TAFA2: variants seen among roughly 807,000 people sequenced by gnomAD.
The protein encoded by TAFA2 is chemokine-like protein TAFA-2.
In TAFA2, 7 loss-of-function variants were observed where a neutral mutation model predicts 18.8. The observed-to-expected ratio is 0.37, with a 90% CI of 0.21 to 0.70. The LOEUF is 0.70. TAFA2 is among the 30% of genes least tolerant of loss of function. The pLI is 0.53. For missense variants in TAFA2, 122 were observed against 158.1 expected, an observed-to-expected ratio of 0.77 and a Z score of 1.23; for synonymous variants, 60 against 54.2, an observed-to-expected ratio of 1.11 and a Z score of -0.47.
intron 1 of TAFA2, among the ~76,000 whole-genome samples, chr12:62,139,699 G>C (rs1278841560): frequency 6.6e-6 from 1 of 151,938 alleles, no homozygotes; most frequent in Non-Finnish European, 1.5e-5. Flanking sequence ...GTGATAAAAA[G>C]AAAAAAAGAC....
At chr12:61,986,480 G>A (rs1182607138) in intron 1 of TAFA2, among the ~76,000 whole-genome samples, 3 of 151,428 alleles carry the variant, frequency 2.0e-5, no homozygotes, top group Non-Finnish European at 4.4e-5. Context: ...TATATTTTTA[G>A]TAGAAATGGG....
At chr12:61,754,819 T>C (rs1869185628) in intron 3 of TAFA2, 53 bp downstream of exon 3, 7 of 1,591,748 alleles carry the variant, frequency 4.4e-6, no homozygotes, top group Non-Finnish European at 6.0e-6. Context: ...GGGGTTCTAG[T>C]TCTAAGCCAT....
At chr12:61,940,952 T>A (rs1877979550) in intron 1 of TAFA2, among the ~76,000 whole-genome samples, 1 of 152,216 alleles carries the variant, frequency 6.6e-6, no homozygotes. Context: ...TATATGTGGC[T>A]ACTGAATACT....
Position 61,797,809 on chromosome 12 carries a change from C to T in TAFA2, c.107-42785G>A, listed in dbSNP as rs182569826. On this transcript the variant is annotated intron_variant, in intron 2 of 4. Coordinates refer to ENST00000416284, the MANE Select transcript of TAFA2 (RefSeq NM_178539.5). ...CAGTTAAAACTAGGCACAAGCTAGA[C>T]GCTGGTTCCTTAGATTTGCCATGCA... is the stretch of plus-strand genomic sequence containing the variant. Among the ~76,000 whole-genome samples the T allele has an allele frequency of 1.3e-3, 202 of 152,286 alleles. 1 individual carries two copies. Among genetic ancestry groups the T allele is most frequent in the African/African-American group, 4.4e-3 (183 of 41,550 alleles).
chr12:61,973,615 A>C (rs879559115), intron 1 of TAFA2, among the ~76,000 whole-genome samples: 1 of 151,556 alleles, frequency 6.6e-6, no homozygotes, highest in Non-Finnish European at 1.5e-5. Flanking sequence ...TGAGGCAAAG[A>C]CCTTGTTATT....
chr12:62,077,095 T>C (rs368751120), intron 1 of TAFA2, among the ~76,000 whole-genome samples: 23 of 152,314 alleles, frequency 1.5e-4, no homozygotes, highest in Admixed American at 3.9e-4. Context: ...CCATTAAGCA[T>C]AAAAGGAATT....
At chr12:61,802,738 A>T (rs1337172277) in intron 2 of TAFA2, among the ~76,000 whole-genome samples, 1 of 151,994 alleles carries the variant, frequency 6.6e-6, no homozygotes, top group East Asian at 1.9e-4. Context: ...AGAAGAGAGG[A>T]TTTTGAATGT....
chr12:62,059,990 T>C (rs1882302190), intron 1 of TAFA2, among the ~76,000 whole-genome samples: 1 of 152,238 alleles, frequency 6.6e-6, no homozygotes, highest in Non-Finnish European at 1.5e-5. Flanking sequence ...GTTATCATTG[T>C]TTCAGAACAA....
At chr12:62,073,219 G>A (rs547947644) in intron 1 of TAFA2, among the ~76,000 whole-genome samples, 3 of 152,264 alleles carry the variant, frequency 2.0e-5, no homozygotes, top group Admixed American at 2.0e-4. Flanking sequence ...TATCCTAAAT[G>A]TTCACCAGAA....
At chr12:61,836,405 G>T (rs934528619) in intron 2 of TAFA2, among the ~76,000 whole-genome samples, 1 of 151,782 alleles carries the variant, frequency 6.6e-6, no homozygotes, top group Admixed American at 6.6e-5. Context: ...TCCCAACTTG[G>T]AAATTTAGAG....
At chr12:61,947,228 A>T in intron 1 of TAFA2, among the ~76,000 whole-genome samples, 2 of 147,000 alleles carry the variant, frequency 1.4e-5, no homozygotes, top group African/African-American at 5.1e-5. Flanking sequence ...AACACCGCAT[A>T]TTCTCACTCA....
chr12:62,185,034 A>G (rs2062576684), intron 1 of TAFA2, among the ~76,000 whole-genome samples: 2 of 152,088 alleles, frequency 1.3e-5, no homozygotes, highest in Non-Finnish European at 2.9e-5. Context: ...CCACTCAACA[A>G]ATGATGGAAG....
chr12:62,093,673 C>T (rs1868819652), intron 1 of TAFA2, among the ~76,000 whole-genome samples: 1 of 152,146 alleles, frequency 6.6e-6, no homozygotes, highest in African/African-American at 2.4e-5. Flanking sequence ...GTCATATGCT[C>T]AGAACATTTT....
At chr12:61,835,301 A>C (rs1872875572) in intron 2 of TAFA2, among the ~76,000 whole-genome samples, 1 of 152,034 alleles carries the variant, frequency 6.6e-6, no homozygotes, top group Non-Finnish European at 1.5e-5. Context: ...AATTTTTACT[A>C]TACTTACAAA....
At chr12:62,253,683 C>G (rs1340281518) in intron 1 of TAFA2, 1 of 152,202 alleles carries the variant, frequency 6.6e-6, no homozygotes, top group African/African-American at 2.4e-5. Flanking sequence ...GTGTCTCCTA[C>G]TTTTAAGGAT....
intron 1 of TAFA2, among the ~76,000 whole-genome samples, chr12:62,055,006 T>G (rs942065396): frequency 4.6e-5 from 7 of 152,186 alleles, no homozygotes; most frequent in Non-Finnish European, 7.4e-5. Flanking sequence ...ATTCATGTGT[T>G]AAATTCTAAT....
intron 2 of TAFA2, among the ~76,000 whole-genome samples, chr12:61,818,490 T>TACACACACACACACAC (rs3034071): frequency 1.1e-4 from 15 of 140,800 alleles, no homozygotes; most frequent in African/African-American, 3.3e-4. Context: ...CTCAAAAAAA[T>TACACACACACACACAC]ACACACACAC....
chr12:61,821,000 A>T (rs1592411254), intron 2 of TAFA2, among the ~76,000 whole-genome samples: 1 of 151,908 alleles, frequency 6.6e-6, no homozygotes, highest in African/African-American at 2.4e-5. Flanking sequence ...TACCTTCCCT[A>T]ATTGTTGGTG....
chr12:62,059,973 G>C (rs1882301782), intron 1 of TAFA2, among the ~76,000 whole-genome samples: 2 of 151,974 alleles, frequency 1.3e-5, no homozygotes, highest in Non-Finnish European at 2.9e-5. Context: ...ATCTGTATTA[G>C]CTATCAGTTA....
Sources: gnomAD v4.1 joint callset for allele counts (sites outside exome capture counted in the v4.1 genomes callset) on GRCh38, gnomAD v4.1.1 for gene constraint, MANE v1.5 for transcripts, NCBI Gene and HGNC (gene_info 2026-07-23, HGNC 2026-07-21) for gene names.